Variants in DLG2 observed in about 807,000 individuals in gnomAD.
DLG2 encodes the protein discs large MAGUK scaffold protein 2, also known as disks large homolog 2.
Under a neutral mutation model 132.5 loss-of-function variants are expected in DLG2, and 45 were observed. The ratio of observed to expected loss-of-function variants is 0.34; its 90% CI spans 0.27 to 0.44. DLG2 has a LOEUF of 0.44. Ranked by LOEUF, DLG2 falls within the 20% of genes least tolerant of loss-of-function variation. The pLI, the probability that DLG2 is intolerant of heterozygous loss-of-function variation, is 1.00. For missense variants in DLG2, 1,045 were observed against 1,196.9 expected (o/e 0.87, Z 1.87); for synonymous variants, 424 against 419.6 (o/e 1.01, Z -0.13).
At chr11:84,005,018 C>CA (rs1430613500) in intron 11 of DLG2, among the ~76,000 whole-genome samples, 8 of 148,590 alleles carry the variant, frequency 5.4e-5, no homozygotes, top group African/African-American at 2.0e-4. Context: ...TCCCCCCAAC[C>CA]AAAAAACCCC....
chr11:83,668,432 T>A (rs1271590162), intron 18 of DLG2, among the ~76,000 whole-genome samples: 1 of 152,210 alleles, frequency 6.6e-6, no homozygotes, highest in Admixed American at 6.5e-5. Context: ...CTGCTCATTC[T>A]ACCTGGGATA....
At chr11:85,258,776 G>T (rs1386560971) in intron 4 of DLG2, among the ~76,000 whole-genome samples, 1 of 152,114 alleles carries the variant, frequency 6.6e-6, no homozygotes, top group Non-Finnish European at 1.5e-5. Context: ...AAGCTCTTTA[G>T]GATCAGAAAG....
At chr11:85,441,266 C>G (rs1034725680) in intron 3 of DLG2, among the ~76,000 whole-genome samples, 1 of 152,124 alleles carries the variant, frequency 6.6e-6, no homozygotes, top group African/African-American at 2.4e-5. Context: ...TCATTTCTCC[C>G]CCTTACCGAC....
chr11:84,599,612 C>T (rs1357387858), intron 6 of DLG2, among the ~76,000 whole-genome samples: 2 of 152,130 alleles, frequency 1.3e-5, no homozygotes, highest in Non-Finnish European at 1.5e-5. Context: ...CACCTACAGG[C>T]TTAAGCCATA....
chr11:84,051,708 G>A (rs2096386460), intron 11 of DLG2, among the ~76,000 whole-genome samples: 1 of 150,978 alleles, frequency 6.6e-6, no homozygotes, highest in African/African-American at 2.4e-5. Flanking sequence ...CACCAACATG[G>A]CACATGTATA....
At chr11:84,815,566 A>G (rs891681553) in intron 6 of DLG2, among the ~76,000 whole-genome samples, 1 of 152,054 alleles carries the variant, frequency 6.6e-6, no homozygotes, top group Non-Finnish European at 1.5e-5. Context: ...AGTTTAAAGT[A>G]AATTTAAAAG....
intron 5 of DLG2, among the ~76,000 whole-genome samples, chr11:85,116,858 A>G (rs1594434750): frequency 6.6e-6 from 1 of 152,018 alleles, no homozygotes; most frequent in Non-Finnish European, 1.5e-5. Flanking sequence ...TAGATGACTA[A>G]AGATTTAGAA....
chr11:85,441,880 G>C (rs998741263), intron 3 of DLG2, among the ~76,000 whole-genome samples: 7 of 151,980 alleles, frequency 4.6e-5, no homozygotes, highest in African/African-American at 1.4e-4. Context: ...ATAATAAATA[G>C]TAATATGATA....
At chr11:85,446,992 AG>A (rs1481483529) in intron 3 of DLG2, among the ~76,000 whole-genome samples, 1 of 152,202 alleles carries the variant, frequency 6.6e-6, no homozygotes, top group Non-Finnish European at 1.5e-5. Flanking sequence ...ATTTAAAAAG[AG>A]AAAGGCAACA....
intron 11 of DLG2, 65 bp downstream of exon 11, chr11:84,059,250 C>G: frequency 6.7e-7 from 1 of 1,485,630 alleles, no homozygotes; most frequent in South Asian, 1.2e-5. Flanking sequence ...ATACGACTAT[C>G]GTGGCATAAA....
chr11:84,596,192 C>A (rs1484940807), intron 6 of DLG2, among the ~76,000 whole-genome samples: 1 of 144,060 alleles, frequency 6.9e-6, no homozygotes, highest in Non-Finnish European at 1.5e-5. Flanking sequence ...TTTTCTCTGT[C>A]TCTCTCTCTC....
chr11:85,462,028 C>T (rs2092631782), intron 3 of DLG2, among the ~76,000 whole-genome samples: 2 of 152,204 alleles, frequency 1.3e-5, no homozygotes, highest in South Asian at 2.1e-4. Context: ...GACATTTATG[C>T]AGTCAAAAGA....
chr11:84,746,457 G>A (rs1597189409), intron 6 of DLG2, among the ~76,000 whole-genome samples: 1 of 141,610 alleles, frequency 7.1e-6, no homozygotes, highest in African/African-American at 2.6e-5. Flanking sequence ...AAAAAAAAAA[G>A]GACAGGATTT....
intron 14 of DLG2, among the ~76,000 whole-genome samples, chr11:83,962,503 T>C (rs183635538): frequency 7.9e-5 from 12 of 152,204 alleles, no homozygotes; most frequent in African/African-American, 2.4e-4. Context: ...CATTTACCCA[T>C]TGAATTCCAC....
rs532274633 is a variant in DLG2 at position 84,335,537 on chromosome 11, T to C, written c.520-84246A>G. Reference sequence around the variant, plus strand: ...CTGAGGTGACCCTTGTAAAGTAATATATACATGCTGATGATTTACGTTTTC... The same window carrying C: ...CTGAGGTGACCCTTGTAAAGTAATACATACATGCTGATGATTTACGTTTTC... On this transcript the variant is annotated intron_variant, in intron 7 of 27. Coordinates refer to ENST00000376104, the MANE Select transcript of DLG2 (RefSeq NM_001142699.3). Among the ~76,000 whole-genome samples, 7 of 152,322 alleles carry C rather than the reference T, an allele frequency of 4.6e-5. No homozygotes were observed. In the East Asian group the frequency reaches 9.6e-4, roughly 21 times the overall value.
intron 7 of DLG2, among the ~76,000 whole-genome samples, chr11:84,439,387 A>G (rs564410550): frequency 3.3e-5 from 5 of 152,200 alleles, no homozygotes; most frequent in Non-Finnish European, 7.3e-5. Context: ...GAAATGATTC[A>G]GTGTCCCAAA....
chr11:85,008,367 G>T (rs776475155), intron 6 of DLG2, among the ~76,000 whole-genome samples: 2 of 152,002 alleles, frequency 1.3e-5, no homozygotes, highest in Non-Finnish European at 2.9e-5. Context: ...GTGAAATCAA[G>T]TAACTATATT....
intron 10 of DLG2, 71 bp downstream of exon 10, chr11:84,098,852 A>C: frequency 6.6e-7 from 1 of 1,526,272 alleles, no homozygotes; most frequent in Non-Finnish European, 8.9e-7. Flanking sequence ...ATTATTCTTC[A>C]AAGGTACAAA....
chr11:85,318,408 T>C (rs1018526021), intron 3 of DLG2, among the ~76,000 whole-genome samples: 3 of 151,810 alleles, frequency 2.0e-5, no homozygotes, highest in Admixed American at 6.6e-5. Flanking sequence ...AGTAGACTCA[T>C]GATATAAATA....
Sources: allele counts gnomAD v4.1 joint callset (sites outside exome capture counted in the v4.1 genomes callset), GRCh38; gene constraint gnomAD v4.1.1; transcripts MANE v1.5; gene names NCBI Gene and HGNC (gene_info 2026-07-23, HGNC 2026-07-21).